Variants in ZNF613 observed in about 807,000 individuals in gnomAD.
The protein encoded by ZNF613 is zinc finger protein 613.
In ZNF613, 8 loss-of-function variants were observed where a neutral mutation model predicts 14.3. That is an observed-to-expected ratio of 0.56 (90% CI 0.33 to 1.01). ZNF613 has a LOEUF of 1.01. Among genes scored for constraint, ZNF613 ranks in the 50% least tolerant of loss-of-function variants. The pLI, the probability that ZNF613 is intolerant of heterozygous loss-of-function variation, is 0.03. For synonymous variants in ZNF613, 228 were observed against 254.5 expected, an observed-to-expected ratio of 0.90 and a Z score of 0.99; for missense variants, 656 against 741.9, an observed-to-expected ratio of 0.88 and a Z score of 1.35.
In ZNF613 at chr19:51,945,977, T is replaced by C; in HGVS notation, c.*240T>C. The C allele has an allele frequency of 2.0e-6, 1 of 512,542 alleles. No individual in the cohort carries two copies. 31.7% of individuals were successfully genotyped at this position (512,542 alleles called of 1,614,324 possible). On this transcript the variant is annotated 3_prime_UTR_variant, in exon 6 of 6. Transcript: ENST00000293471. ...GATCACATCTTCAGTGAGCTTATAG[T>C]TGGTAGAAATATAATGATCATGGAA... is the stretch of plus-strand genomic sequence containing the variant.
chr19:51,937,349 G>A (rs1331479942), intron 3 of ZNF613, among the ~76,000 whole-genome samples: 2 of 152,082 alleles, frequency 1.3e-5, no homozygotes, highest in Non-Finnish European at 2.9e-5. Context: ...TCCAGGAGTT[G>A]GTGTCAGAAT....
intron 1 of ZNF613, chr19:51,928,008 C>CTCCA (rs2085229078): frequency 5.6e-5 from 6 of 106,614 alleles, no homozygotes; most frequent in African/African-American, 3.4e-4. Context: ...AGCGCCACCA[C>CTCCA]GCTATCTATC....
At position 51,944,366 on chromosome 19, in the gene ZNF613, G is replaced by A. The variant is rs911074795; in HGVS notation, c.483G>A (p.Gly161=). 7.5e-6 allele frequency: 12 copies of A among 1,601,060 alleles called. No homozygotes were observed. Among genetic ancestry groups the A allele is most frequent in the Non-Finnish European group, 7.7e-6 (9 of 1,170,150 alleles). ...ATTCTGTGGGGGTTAATGGAGATGG[G>A]AAATCCTTCCTTCATGCCAAGCATG... ...IKNSVGVNGD[G]KSFLHAKHEQ... Residue 161 remains glycine, a synonymous_variant, in exon 6 of 6, where the codon GGG becomes GGA. Coordinates refer to ENST00000293471, the MANE Select transcript of ZNF613 (RefSeq NM_001031721.4).
chr19:51,928,645 G>A (rs931207561), intron 1 of ZNF613, among the ~76,000 whole-genome samples: 2 of 152,064 alleles, frequency 1.3e-5, no homozygotes, highest in African/African-American at 2.4e-5. Flanking sequence ...CGAATTGCTC[G>A]AGCCTAGAAG....
chr19:51,928,858 A>T (rs992395511), intron 1 of ZNF613, among the ~76,000 whole-genome samples: 1 of 151,490 alleles, frequency 6.6e-6, no homozygotes, highest in Non-Finnish European at 1.5e-5. Context: ...TGCCTCAAAA[A>T]AAAAAAAAAA....
rs1254763118 is a variant in ZNF613 at position 51,944,271 on chromosome 19, G to T, written c.388G>T (p.Asp130Tyr). ...TTTAAGGCAAAATCATGATACATTT[G>T]ACTTACATGGGAAAATACTGAAATC... The part of the protein sequence containing the change: ...FPLRQNHDTF[D>Y]LHGKILKSNL... The change falls in exon 6 of 6, where the codon GAC (aspartate) becomes TAC (tyrosine). Residue 130 changes from aspartate (D) to tyrosine (Y), a missense_variant. By Grantham distance (160) the Asp-to-Tyr change is radical. Transcript: ENST00000293471. The T allele has an allele frequency of 3.7e-6, 6 of 1,606,094 alleles. No individual in the cohort carries two copies. Among genetic ancestry groups the T allele is most frequent in the Middle Eastern group, 1.7e-4 (1 of 6,018 alleles).
intron 5 of ZNF613, among the ~76,000 whole-genome samples, chr19:51,943,475 G>A (rs2085366482): frequency 6.6e-6 from 1 of 152,190 alleles, no homozygotes; most frequent in Non-Finnish European, 1.5e-5. Flanking sequence ...AGCCATCTTG[G>A]TTATCAGATC....
intron 2 of ZNF613, among the ~76,000 whole-genome samples, chr19:51,934,269 C>G (rs1198829269): frequency 1.3e-5 from 2 of 152,058 alleles, no homozygotes; most frequent in African/African-American, 2.4e-5. Context: ...CTTGGACCTA[C>G]CTACTCTGCC....
chr19:51,943,551 G>A (rs2085366997), intron 5 of ZNF613, among the ~76,000 whole-genome samples: 1 of 152,182 alleles, frequency 6.6e-6, no homozygotes, highest in African/African-American at 2.4e-5. Flanking sequence ...TGCTTCCAAA[G>A]CTCAAGAGTG....
chr19:51,928,009 G>GCTGTCTATCTATCTAT (rs142542038), intron 1 of ZNF613: 1 of 146,900 alleles, frequency 6.8e-6, no homozygotes, highest in Non-Finnish European at 1.5e-5. Flanking sequence ...GCGCCACCAC[G>GCTGTCTATCTATCTAT]CTATCTATCT....
At chr19:51,936,776 T>A (rs1384152174) in intron 3 of ZNF613, among the ~76,000 whole-genome samples, 1 of 152,222 alleles carries the variant, frequency 6.6e-6, no homozygotes, top group Non-Finnish European at 1.5e-5. Context: ...TGAGCCACTA[T>A]GCCTGGTCCT....
chr19:51,939,180 C>G (rs1169411133), intron 3 of ZNF613, among the ~76,000 whole-genome samples: 1 of 151,956 alleles, frequency 6.6e-6, no homozygotes, highest in Admixed American at 6.6e-5. Flanking sequence ...TTCAGATCTA[C>G]TTACCAGTTC....
intron 5 of ZNF613, 87 bp downstream of exon 5, chr19:51,940,796 T>C: frequency 9.3e-7 from 1 of 1,075,288 alleles, no homozygotes; most frequent in Non-Finnish European, 1.3e-6. Context: ...TCAGGGCATC[T>C]GAGGCTGTGT....
At chr19:51,930,976 G>T (rs2085259591) in intron 2 of ZNF613, among the ~76,000 whole-genome samples, 1 of 152,072 alleles carries the variant, frequency 6.6e-6, no homozygotes, top group Admixed American at 6.6e-5. Flanking sequence ...GTGTTAGGTG[G>T]TTTCTCATGG....
chr19:51,940,140 A>G lies in ZNF613; in HGVS notation c.16-69A>G, dbSNP rs2085335464. The G allele has an allele frequency of 1.9e-6, 3 of 1,575,852 alleles. No individual in the cohort carries two copies. In the African/African-American group the frequency reaches 4.0e-5, roughly 21 times the overall value. On this transcript the variant is annotated intron_variant, in intron 3 of 5. Coordinates refer to ENST00000293471, the MANE Select transcript of ZNF613 (RefSeq NM_001031721.4). ...CTATTTGGTAAAAATGAGCAGAACA[A>G]TGTTCTTCACATTTCTTCCATATAA...
In ZNF613 at chr19:51,945,204, A is replaced by C; in HGVS notation, c.1321A>C (p.Thr441Pro). The C allele has an allele frequency of 6.2e-7, 1 of 1,614,182 alleles. No homozygotes were observed. Among genetic ancestry groups the C allele is most frequent in the East Asian group, 2.2e-5 (1 of 44,880 alleles). ...NECGKGFSQK[T>P]CLISHQRFHT... ...ATGTGGGAAAGGCTTCAGCCAGAAG[A>C]CATGTTTAATATCCCATCAGAGATT... Residue 441 changes from threonine to proline, a missense_variant, in exon 6 of 6, where the codon ACA becomes CCA. Transcript: ENST00000293471.
At position 51,945,332 on chromosome 19, in the gene ZNF613, C is replaced by T. The variant is rs1300863942; in HGVS notation, c.1449C>T (p.Pro483=). The T allele has an allele frequency of 6.2e-7, 1 of 1,613,944 alleles. No individual in the cohort carries two copies. Among genetic ancestry groups the T allele is most frequent in the African/African-American group, 1.3e-5 (1 of 74,882 alleles). Reference sequence around the variant, plus strand: ...AGAGAATTCACACAGGAGAGAAACCCTATACATGCAGTGACTGTGGGAAAG... The same window carrying T: ...AGAGAATTCACACAGGAGAGAAACCTTATACATGCAGTGACTGTGGGAAAG... The part of the protein sequence containing the change: ...NHQRIHTGEK[P]YTCSDCGKAF... The change falls in exon 6 of 6, where the codon CCC becomes CCT. Residue 483 remains proline (P), a synonymous_variant. Transcript: ENST00000293471.
chr19:51,946,038 CA>C lies in ZNF613; in HGVS notation c.*302del, dbSNP rs1414075086. 2.8e-6 allele frequency: 1 copy of C among 361,838 alleles called. No individual in the cohort carries two copies. The highest frequency in any genetic ancestry group is 2.8e-5 in the South Asian group (1 of 35,410). 22.4% of individuals were successfully genotyped at this position (361,838 alleles called of 1,614,324 possible). ...TCAGAAACAGTACGCCAGTAGGTAT[CA>C]GGGGGTTTACACAGGAGAGAAACTT... is the stretch of plus-strand genomic sequence containing the variant. On this transcript the variant is annotated 3_prime_UTR_variant, in exon 6 of 6. Coordinates refer to ENST00000293471, the MANE Select transcript of ZNF613 (RefSeq NM_001031721.4).
chr19:51,928,587 C>T (rs1209848201), intron 1 of ZNF613, among the ~76,000 whole-genome samples: 1 of 152,068 alleles, frequency 6.6e-6, no homozygotes, highest in Non-Finnish European at 1.5e-5. Flanking sequence ...GGTGGCCTGG[C>T]GCGGTGGCTC....
Sources: allele counts gnomAD v4.1 joint callset (sites outside exome capture counted in the v4.1 genomes callset), GRCh38; gene constraint gnomAD v4.1.1; transcripts MANE v1.5; gene names NCBI Gene and HGNC (gene_info 2026-07-23, HGNC 2026-07-21).